PRKAR1A: variants seen among roughly 807,000 people sequenced by gnomAD.
The protein encoded by PRKAR1A is protein kinase cAMP-dependent type I regulatory subunit alpha.
In PRKAR1A, 3 loss-of-function variants were observed where a neutral mutation model predicts 52.0. That is an observed-to-expected ratio of 0.06 (90% CI 0.03 to 0.15). The LOEUF is 0.15. Among genes scored for constraint, PRKAR1A ranks in the 10% least tolerant of loss-of-function variants. The probability of loss-of-function intolerance (pLI) is 1.00; values close to 1 mark genes in which losing one functional copy is unlikely to be tolerated. For missense variants in PRKAR1A, 240 were observed against 477.4 expected, an observed-to-expected ratio of 0.50 and a Z score of 4.63; for synonymous variants, 188 against 168.4, an observed-to-expected ratio of 1.12 and a Z score of -0.90.
intron 10 of PRKAR1A, 32 bp downstream of exon 10, chr17:68,530,033 G>A (rs2143384961): frequency 6.3e-7 from 1 of 1,599,098 alleles, no homozygotes; most frequent in Non-Finnish European, 8.6e-7. Flanking sequence ...ATAAATACAT[G>A]GTTTCTTTAA....
the PRKAR1A span, among the ~76,000 whole-genome samples, chr17:68,501,749 T>C: frequency 6.6e-6 from 1 of 152,170 alleles, no homozygotes; most frequent in East Asian, 1.9e-4. Context: ...TGAGCCACCA[T>C]GCCCAGAACT....
chr17:68,428,796 G>C, the PRKAR1A span: 1 of 1,548,414 alleles, frequency 6.5e-7, no homozygotes, highest in Non-Finnish European at 8.9e-7. Context: ...ACCAGCTCTC[G>C]AAAGGCTGTC....
chr17:68,534,628 T>G (rs1037894147), downstream of PRKAR1A, among the ~76,000 whole-genome samples: 6 of 148,960 alleles, frequency 4.0e-5, no homozygotes, highest in Admixed American at 4.1e-4. Context: ...TAAAAGCCCC[T>G]AAGTGTAGTG....
At chr17:68,450,539 AAAC>A in the PRKAR1A span, among the ~76,000 whole-genome samples, 1 of 152,342 alleles carries the variant, frequency 6.6e-6, no homozygotes, top group East Asian at 1.9e-4. Context: ...GGTCTAGGGA[AAAC>A]AACGTTACAA....
In PRKAR1A at chr17:68,533,306, T is replaced by C. The variant is rs957577049; in HGVS notation, c.*2857T>C. On this transcript the variant is annotated 3_prime_UTR_variant, in exon 11 of 11. Transcript: ENST00000589228. ...GTGAAATTGGAGATATGTTGTATGT[T>C]AGAAGAGCATTCTTTAAATTGTGTT... The C allele has an allele frequency of 7.5e-6, 8 of 1,063,858 alleles. No homozygotes were observed. The highest frequency in any genetic ancestry group is 5.3e-5 in the Admixed American group (1 of 18,706). The allele number at this position is 1,063,858 out of a possible 1,614,324, so 65.9% of individuals were successfully genotyped here.
At chr17:68,524,574 A>G (rs1019307082) in intron 5 of PRKAR1A, among the ~76,000 whole-genome samples, 1 of 152,144 alleles carries the variant, frequency 6.6e-6, no homozygotes, top group African/African-American at 2.4e-5. Flanking sequence ...GAGTGGGTAT[A>G]TATTTTCATT....
At chr17:68,474,661 C>T in the PRKAR1A span, among the ~76,000 whole-genome samples, 3 of 152,080 alleles carry the variant, frequency 2.0e-5, no homozygotes, top group Non-Finnish European at 2.9e-5. Context: ...TTTGGGAGGC[C>T]GAGGCGGGCG....
At chr17:68,530,221 T>C (rs2085934265) in intron 10 of PRKAR1A, 56 bp from the exon 11 acceptor site, 6 of 1,592,672 alleles carry the variant, frequency 3.8e-6, no homozygotes, top group Non-Finnish European at 5.2e-6. Flanking sequence ...AGTGCACTGC[T>C]TTAAGGAAAT....
At chr17:68,500,243 T>G in the PRKAR1A span, among the ~76,000 whole-genome samples, 1 of 152,200 alleles carries the variant, frequency 6.6e-6, no homozygotes, top group Non-Finnish European at 1.5e-5. Context: ...GCTCCCATAA[T>G]TCCCACGTGT....
At chr17:68,480,652 A>G in the PRKAR1A span, among the ~76,000 whole-genome samples, 3 of 152,050 alleles carry the variant, frequency 2.0e-5, no homozygotes, top group African/African-American at 7.3e-5. Flanking sequence ...GGCTCAAGTG[A>G]TCCTCCTGCC....
the PRKAR1A span, among the ~76,000 whole-genome samples, chr17:68,434,817 T>C: frequency 6.6e-6 from 1 of 152,234 alleles, no homozygotes; most frequent in Non-Finnish European, 1.5e-5. Context: ...AAACACCCTC[T>C]GTCTACCTTT....
chr17:68,523,916 T>C, intron 4 of PRKAR1A, 100 bp downstream of exon 4: 1 of 1,573,586 alleles, frequency 6.4e-7, no homozygotes, highest in Non-Finnish European at 8.7e-7. Flanking sequence ...TAGTAATTGT[T>C]CACCAGATGA....
At chr17:68,416,236 A>G in the PRKAR1A span, among the ~76,000 whole-genome samples, 88 of 152,136 alleles carry the variant, frequency 5.8e-4, no homozygotes, top group Non-Finnish European at 1.5e-4. Flanking sequence ...GTAGTGGTGA[A>G]TTTTCTCAGC....
At chr17:68,459,556 T>C in the PRKAR1A span, among the ~76,000 whole-genome samples, 1 of 152,136 alleles carries the variant, frequency 6.6e-6, no homozygotes. Context: ...GGGACTAATG[T>C]GAAATTCTGG....
downstream of PRKAR1A, chr17:68,537,609 C>G: frequency 6.2e-7 from 1 of 1,613,724 alleles, no homozygotes; most frequent in Non-Finnish European, 8.5e-7. The surrounding 1 kb of genome is among the most constrained non-coding windows in gnomAD (Gnocchi z 4.2). Context: ...GCCTTCGATC[C>G]AGGGCAAGGA....
the PRKAR1A span, chr17:68,436,302 A>G: frequency 2.3e-6 from 3 of 1,316,344 alleles, no homozygotes; most frequent in Non-Finnish European, 3.3e-6. Flanking sequence ...CCCCGACGGC[A>G]GGGCGTCCTT....
At chr17:68,526,331 T>C (rs1370718299) in intron 7 of PRKAR1A, among the ~76,000 whole-genome samples, 3 of 152,226 alleles carry the variant, frequency 2.0e-5, no homozygotes, top group Non-Finnish European at 4.4e-5. Context: ...TTATCAGTAA[T>C]GTATATGTAT....
intron 11 of PRKAR1A, among the ~76,000 whole-genome samples, chr17:68,548,503 C>G (rs2086671710): frequency 6.6e-6 from 1 of 151,776 alleles, no homozygotes; most frequent in African/African-American, 2.4e-5. Context: ...GCACTCCAGC[C>G]TGGGCAACAG....
At chr17:68,473,558 T>A in the PRKAR1A span, among the ~76,000 whole-genome samples, 1 of 152,192 alleles carries the variant, frequency 6.6e-6, no homozygotes, top group Non-Finnish European at 1.5e-5. Context: ...AGTCTCACTC[T>A]GTCGCCCAGG....
Sources: allele counts gnomAD v4.1 joint callset (sites outside exome capture counted in the v4.1 genomes callset), GRCh38; gene constraint gnomAD v4.1.1; non-coding constraint Gnocchi (gnomAD v3.1); transcripts MANE v1.5; gene names NCBI Gene and HGNC (gene_info 2026-07-23, HGNC 2026-07-21).